Variants in FGD6 observed in about 807,000 individuals in gnomAD.
The protein encoded by FGD6 is FYVE, RhoGEF and PH domain containing 6.
Under a neutral mutation model 149.4 loss-of-function variants are expected in FGD6, and 90 were observed. The observed-to-expected ratio is 0.60, with a 90% CI of 0.51 to 0.72. The LOEUF (loss-of-function observed/expected upper bound fraction) is 0.72, where lower values mean the gene tolerates loss of function less well. Ranked by LOEUF, FGD6 falls within the 30% of genes least tolerant of loss-of-function variation. The probability of loss-of-function intolerance (pLI) is 0.00; values close to 1 mark genes in which losing one functional copy is unlikely to be tolerated. For missense variants in FGD6, 1,437 were observed against 1,684.8 expected, an observed-to-expected ratio of 0.85 and a Z score of 2.57; for synonymous variants, 527 against 584.0, an observed-to-expected ratio of 0.90 and a Z score of 1.41.
chr12:95,126,201 G>C (rs1409679767), intron 8 of FGD6: 1 of 1,183,736 alleles, frequency 8.4e-7, no homozygotes, highest in Admixed American at 1.9e-5. Flanking sequence ...TGTTGCTAAG[G>C]GTGCTGCTGC....
At chr12:95,215,726 C>T (rs1210862163) in intron 1 of FGD6, among the ~76,000 whole-genome samples, 1 of 152,202 alleles carries the variant, frequency 6.6e-6, no homozygotes, top group African/African-American at 2.4e-5. Context: ...GAATCATGAA[C>T]TTCCAGTCTG....
intron 5 of FGD6, among the ~76,000 whole-genome samples, chr12:95,148,058 A>T (rs7298498): frequency 0.48 from 72,132 of 151,678 alleles, 17,470 homozygotes; most frequent in Middle Eastern, 0.62. Context: ...AATGAGCTTC[A>T]TTCAGTGAAG....
chr12:95,182,091 T>C (rs1447811027), intron 2 of FGD6, among the ~76,000 whole-genome samples: 1 of 152,148 alleles, frequency 6.6e-6, no homozygotes, highest in Non-Finnish European at 1.5e-5. Context: ...CATTATGTAA[T>C]ATACTGTCTG....
intron 7 of FGD6, among the ~76,000 whole-genome samples, chr12:95,136,283 C>T (rs549347364): frequency 7.3e-5 from 11 of 151,116 alleles, no homozygotes; most frequent in Non-Finnish European, 1.2e-4. Flanking sequence ...ACGTGAACCT[C>T]GGAGGCAGAG....
chr12:95,098,875 T>G (rs2136236840), intron 14 of FGD6, among the ~76,000 whole-genome samples: 1 of 149,598 alleles, frequency 6.7e-6, no homozygotes, highest in South Asian at 2.1e-4. Flanking sequence ...TAATTTTTTT[T>G]TTTTTTTTTT....
chr12:95,083,046 C>CACAT (rs1877751568), intron 20 of FGD6, among the ~76,000 whole-genome samples: 1 of 113,148 alleles, frequency 8.8e-6, no homozygotes, highest in African/African-American at 3.5e-5. Context: ...CACATACACA[C>CACAT]ACACACACAC....
rs1024173466 is a variant in FGD6 at position 95,080,359 on chromosome 12, G to C, written c.*1161C>G. On this transcript the variant is annotated 3_prime_UTR_variant, in exon 21 of 21. Coordinates refer to ENST00000343958, the MANE Select transcript of FGD6 (RefSeq NM_018351.4). The stretch of plus-strand genomic sequence containing the variant: ...CATTTTCTTCTGCTAATCAACAATT[G>C]TATGTGCAAGGTAGTTCATATGTTA... The C allele has an allele frequency of 6.6e-6, 1 of 152,056 alleles. No homozygotes were observed. The highest frequency in any genetic ancestry group is 1.5e-5 in the Non-Finnish European group (1 of 68,022). The allele number at this position is 152,056 out of a possible 1,614,324, so 9.4% of individuals were successfully genotyped here. A position where few individuals can be genotyped will look rare whatever the true frequency, so the allele number is the denominator to read the frequency against.
chr12:95,093,482 C>A (rs1878134595), intron 15 of FGD6, among the ~76,000 whole-genome samples: 1 of 151,894 alleles, frequency 6.6e-6, no homozygotes, highest in African/African-American at 2.4e-5. Context: ...GAGTTCAAGA[C>A]CAGCCTGACC....
Position 95,094,640 on chromosome 12 carries a change from C to G in FGD6, c.3552G>C (p.Glu1184Asp), listed in dbSNP as rs143773760. Reference protein sequence around the residue: ...WLEAISRAIEEYAKKRITFCP... With the variant: ...WLEAISRAIEDYAKKRITFCP... ...AGAAGGTGATTCTTTTCTTGGCATA[C>G]TCTTCTATTGCCCTGGAAATCGCTT... The change falls in exon 15 of 21, where the codon GAG becomes GAC. Residue 1184 changes from glutamate (E) to aspartate (D), a missense_variant. Glu to Asp is a conservative substitution (Grantham distance 45). This residue lies in a region of FGD6 where 382 missense variants were observed against 538.7 expected (regional missense o/e 0.71). Coordinates refer to ENST00000343958, the MANE Select transcript of FGD6 (RefSeq NM_018351.4). 1.6e-3 allele frequency: 2,586 copies of G among 1,613,462 alleles called. 26 individuals carry two copies. The African/African-American group carries it at 0.023, about 14-fold the overall frequency.
chr12:95,107,884 C>T (rs1299009148), intron 11 of FGD6, among the ~76,000 whole-genome samples: 2 of 152,090 alleles, frequency 1.3e-5, no homozygotes, highest in Admixed American at 6.6e-5. Context: ...ATTGACTGAG[C>T]GTGTACTTGA....
chr12:95,191,892 C>T (rs564860171), intron 2 of FGD6, among the ~76,000 whole-genome samples: 8 of 152,242 alleles, frequency 5.3e-5, no homozygotes, highest in African/African-American at 1.9e-4. Flanking sequence ...CCCGCCACCA[C>T]GCCTGGCTAA....
At chr12:95,095,003 C>T (rs1878190990) in intron 14 of FGD6, among the ~76,000 whole-genome samples, 1 of 152,136 alleles carries the variant, frequency 6.6e-6, no homozygotes, top group Admixed American at 6.5e-5. Context: ...GATAATTGTA[C>T]AATTAATAAT....
chr12:95,141,912 C>T (rs1334699885), intron 5 of FGD6, among the ~76,000 whole-genome samples: 1 of 151,920 alleles, frequency 6.6e-6, no homozygotes, highest in Non-Finnish European at 1.5e-5. Context: ...TTAAAAGTTC[C>T]CAGGAGATCT....
intron 5 of FGD6, among the ~76,000 whole-genome samples, chr12:95,149,772 A>AGTATAT (rs1384243487): frequency 6.9e-6 from 1 of 145,240 alleles, no homozygotes; most frequent in African/African-American, 2.5e-5. Flanking sequence ...TATTATATAT[A>AGTATAT]GTATATATAG....
At chr12:95,092,607 A>C in intron 16 of FGD6, 92 bp downstream of exon 16, 4 of 1,286,942 alleles carry the variant, frequency 3.1e-6, no homozygotes, top group South Asian at 3.2e-5. Flanking sequence ...TTCTTGAACT[A>C]TAATGGTTTA....
intron 8 of FGD6, among the ~76,000 whole-genome samples, chr12:95,131,972 G>A (rs953474877): frequency 1.3e-5 from 2 of 152,036 alleles, no homozygotes; most frequent in East Asian, 3.9e-4. Context: ...CCTGGTAGGC[G>A]GAGGTTGCAG....
chr12:95,157,979 C>G (rs1880523626), intron 3 of FGD6, among the ~76,000 whole-genome samples: 1 of 151,998 alleles, frequency 6.6e-6, no homozygotes, highest in Non-Finnish European at 1.5e-5. Flanking sequence ...TCCCGAGTAG[C>G]TGGAACTACA....
intron 3 of FGD6, among the ~76,000 whole-genome samples, chr12:95,165,251 A>G (rs1159198772): frequency 6.6e-6 from 1 of 152,104 alleles, no homozygotes; most frequent in African/African-American, 2.4e-5. Context: ...AAGGCAAGTT[A>G]CTTAACTTGT....
intron 1 of FGD6, among the ~76,000 whole-genome samples, chr12:95,212,115 C>T (rs1200149279): frequency 3.9e-5 from 6 of 152,018 alleles, no homozygotes; most frequent in Non-Finnish European, 8.8e-5. Context: ...CATAATAAAC[C>T]TGGTATTTCT....
Sources: gnomAD v4.1 joint callset for allele counts (sites outside exome capture counted in the v4.1 genomes callset) on GRCh38, gnomAD v4.1.1 for gene constraint, gnomAD v4.1.1 regional missense constraint, MANE v1.5 for transcripts, NCBI Gene and HGNC (gene_info 2026-07-23, HGNC 2026-07-21) for gene names.